Variants in ACSM3 observed in about 807,000 individuals in gnomAD.
The protein encoded by ACSM3 is acyl-CoA synthetase medium chain family member 3.
A neutral mutation model predicts 74.1 loss-of-function variants in ACSM3; 61 were observed. The ratio of observed to expected loss-of-function variants is 0.82; its 90% CI spans 0.67 to 1.02. The LOEUF (loss-of-function observed/expected upper bound fraction) is 1.02. Among genes scored for constraint, ACSM3 ranks in the 50% least tolerant of loss-of-function variants. ACSM3 has a pLI of 0.00. For missense variants in ACSM3, 660 were observed against 697.0 expected, an observed-to-expected ratio of 0.95 and a Z score of 0.60; for synonymous variants, 213 against 241.5, an observed-to-expected ratio of 0.88 and a Z score of 1.09.
rs767093651 is a variant in ACSM3 at position 20,741,746 on chromosome 16, C to A, written c.-189-8164C>A. The A allele has an allele frequency of 1.3e-5, 20 of 1,563,660 alleles. No individual in the cohort carries two copies. The East Asian group carries it at 1.7e-4, about 13-fold the overall frequency. ...GCTGGGCAGGGGCCGCCATGGTGTG[C>A]GCAAACTGAGAGGAAAGAGAAACGT... On this transcript the variant is annotated intron_variant, in intron 1 of 3. Transcript: ENST00000561584.
intron 1 of ACSM3, chr16:20,691,238 G>C: frequency 5.5e-6 from 8 of 1,444,864 alleles, no homozygotes; most frequent in Non-Finnish European, 7.4e-6. Flanking sequence ...GTCACCACCT[G>C]CCTTGGGAAG....
chr16:20,736,878 TC>T, intron 1 of ACSM3: 1 of 1,612,938 alleles, frequency 6.2e-7, no homozygotes, highest in Non-Finnish European at 8.5e-7. Flanking sequence ...CCAAATGACT[TC>T]CTATGAGAAG....
intron 10 of ACSM3, among the ~76,000 whole-genome samples, chr16:20,791,751 A>C (rs2080602697): frequency 6.6e-6 from 1 of 152,084 alleles, no homozygotes. Flanking sequence ...ACATGGGGAA[A>C]CTCCATCTCA....
chr16:20,688,084 CAA>C (rs34719963), intron 1 of ACSM3, among the ~76,000 whole-genome samples: 18 of 95,362 alleles, frequency 1.9e-4, no homozygotes, highest in Admixed American at 4.4e-4. Flanking sequence ...AACTCTGTCT[CAA>C]AAAAAAAAAA....
chr16:20,740,725 T>C (rs1056426270), intron 1 of ACSM3, among the ~76,000 whole-genome samples: 2 of 152,230 alleles, frequency 1.3e-5, no homozygotes, highest in Admixed American at 6.5e-5. Context: ...CGTGTGTGTA[T>C]TGGTCCAGAT....
In ACSM3 at chr16:20,790,546, A is replaced by C. The variant is rs1567362376; in HGVS notation, c.1225-41A>C. 3 of 1,569,718 alleles carry C rather than the reference A, an allele frequency of 1.9e-6. No individual in the cohort carries two copies. Among genetic ancestry groups the C allele is most frequent in the Middle Eastern group, 3.4e-4 (2 of 5,906 alleles). On this transcript the variant is annotated intron_variant, in intron 9 of 13. Coordinates refer to ENST00000289416, the MANE Select transcript of ACSM3 (RefSeq NM_005622.4). This position sits in a 1 kb window ranked among gnomAD's most constrained non-coding sequence, Gnocchi z 4.0. ...AGTTAATATTTAAGCTGCGACATTA[A>C]ACAAAAATTTCCTTAAATAAATTGT...
chr16:20,761,099 A>AT (rs74552915), upstream of ACSM3, among the ~76,000 whole-genome samples: 390 of 146,642 alleles, frequency 2.7e-3, 1 homozygote, highest in African/African-American at 7.5e-3. Flanking sequence ...ATGTATACAC[A>AT]TTTTTTTTTT....
chr16:20,682,440 T>A, intron 1 of ACSM3: 7 of 1,613,678 alleles, frequency 4.3e-6, no homozygotes, highest in Non-Finnish European at 5.9e-6. Flanking sequence ...TTCAACAGGA[T>A]GGTCGCAGGA....
chr16:20,782,229 T>G (rs1363549759), intron 7 of ACSM3, among the ~76,000 whole-genome samples: 2 of 152,196 alleles, frequency 1.3e-5, no homozygotes, highest in Non-Finnish European at 2.9e-5. Context: ...CTTTGTTTTG[T>G]TTTTGTTTTT....
intron 13 of ACSM3, 39 bp downstream of exon 13, chr16:20,796,528 G>A: frequency 2.5e-6 from 4 of 1,602,212 alleles, no homozygotes; most frequent in Non-Finnish European, 3.4e-6. Flanking sequence ...GCTCAGTGTT[G>A]TGGACAATTT....
chr16:20,730,553 G>A (rs1346455029), intron 1 of ACSM3, among the ~76,000 whole-genome samples: 1 of 152,068 alleles, frequency 6.6e-6, no homozygotes, highest in Non-Finnish European at 1.5e-5. Flanking sequence ...ACACCAGTGA[G>A]CCTCTGCAGT....
upstream of ACSM3, among the ~76,000 whole-genome samples, chr16:20,762,469 G>A (rs2080085630): frequency 1.3e-5 from 2 of 152,098 alleles, no homozygotes; most frequent in African/African-American, 4.8e-5. Flanking sequence ...GATCTAACAT[G>A]GGGGCTAAAA....
rs1462929231 is a variant in ACSM3 at position 20,780,375 on chromosome 16, T to C, written c.639-339T>C. 1.8e-5 allele frequency: 8 copies of C among 444,260 alleles called. No homozygotes were observed. The East Asian group carries it at 2.5e-4, about 14-fold the overall frequency. 27.5% of individuals were successfully genotyped at this position (444,260 alleles called of 1,614,324 possible). A position where few individuals can be genotyped will look rare whatever the true frequency, so the allele number is the denominator to read the frequency against. On this transcript the variant is annotated intron_variant, in intron 4 of 13. Transcript: ENST00000289416. ...GGGAGGGAAGGGGAAAATTCTTCCT[T>C]ATCCATGATTGCAAGATCACACAGA...
At position 20,781,079 on chromosome 16, in the gene ACSM3, A is replaced by C. The variant is rs763377838; in HGVS notation, c.888A>C (p.Ala296=). Residue 296 remains alanine, a synonymous_variant, in exon 6 of 14, where the codon GCA becomes GCC. Transcript: ENST00000289416. ...TTTTTTCTCCGTGGATCCAGGGAGC[A>C]TGTGTATTCACACACCATTTACCCC... ...SSVFSPWIQG[A]CVFTHHLPRF... is the part of the protein sequence containing the mutation. 5.6e-6 allele frequency: 9 copies of C among 1,614,080 alleles called. No homozygotes were observed. Among genetic ancestry groups the C allele is most frequent in the Non-Finnish European group, 7.6e-6 (9 of 1,180,050 alleles).
intron 3 of ACSM3, among the ~76,000 whole-genome samples, chr16:20,758,173 T>C (rs1302643410): frequency 6.6e-6 from 1 of 152,248 alleles, no homozygotes; most frequent in Non-Finnish European, 1.5e-5. Flanking sequence ...GAGGATTCCC[T>C]CTTTTTCTAT....
At chr16:20,681,371 A>G (rs1255799600) in intron 1 of ACSM3, 2 of 152,240 alleles carry the variant, frequency 1.3e-5, no homozygotes, top group East Asian at 3.8e-4. Context: ...CATGGAAATC[A>G]GAGCTAGAAT....
At chr16:20,689,831 A>G (rs2079620365) in intron 1 of ACSM3, among the ~76,000 whole-genome samples, 1 of 152,220 alleles carries the variant, frequency 6.6e-6, no homozygotes, top group African/African-American at 2.4e-5. Flanking sequence ...ATATTTTGGC[A>G]TCATCAGATT....
rs772243028 is a variant in ACSM3 at position 20,790,731 on chromosome 16, A to G, written c.1326+43A>G. On this transcript the variant is annotated intron_variant, in intron 10 of 13. Coordinates refer to ENST00000289416, the MANE Select transcript of ACSM3 (RefSeq NM_005622.4). The surrounding 1 kb of genome is among the most constrained non-coding windows in gnomAD (Gnocchi z 4.0). ...TAATCTCATTTTCTATTTATTTCTC[A>G]AGTGCTTGGTAACAATCCCTGTTTG... 4 of 1,613,892 alleles carry G rather than the reference A, an allele frequency of 2.5e-6. No homozygotes were observed. In the South Asian group the frequency reaches 4.4e-5, roughly 18 times the overall value.
intron 1 of ACSM3, chr16:20,727,615 T>G (rs1306153385): frequency 4.3e-6 from 1 of 231,412 alleles, no homozygotes; most frequent in African/African-American, 2.4e-5. Flanking sequence ...TTACCAAAAC[T>G]TGCAAACTGC....
Sources: gnomAD v4.1 joint callset for allele counts (sites outside exome capture counted in the v4.1 genomes callset) on GRCh38, gnomAD v4.1.1 for gene constraint, Gnocchi (gnomAD v3.1) non-coding constraint, MANE v1.5 for transcripts, NCBI Gene and HGNC (gene_info 2026-07-23, HGNC 2026-07-21) for gene names.